HSF2BP: variants seen among roughly 807,000 people sequenced by gnomAD.
The protein encoded by HSF2BP is heat shock transcription factor 2 binding protein, also known as heat shock factor 2-binding protein.
A neutral mutation model predicts 35.0 loss-of-function variants in HSF2BP; 35 were observed. The ratio of observed to expected loss-of-function variants is 1.00; its 90% CI spans 0.76 to 1.32. HSF2BP has a LOEUF of 1.32. HSF2BP is among the 40% of genes most tolerant of loss of function. The pLI, the probability that HSF2BP is intolerant of heterozygous loss-of-function variation, is 0.00. For synonymous variants in HSF2BP, 114 were observed against 117.4 expected, an observed-to-expected ratio of 0.97 and a Z score of 0.18; for missense variants, 326 against 321.7, an observed-to-expected ratio of 1.01 and a Z score of -0.10.
chr21:43,595,923 C>G (rs190917219), intron 7 of HSF2BP, among the ~76,000 whole-genome samples: 7 of 151,570 alleles, frequency 4.6e-5, no homozygotes, highest in Non-Finnish European at 1.0e-4. Flanking sequence ...TGGGGTTTCA[C>G]CATGTTGGTT....
chr21:43,593,796 T>C (rs1244807227), intron 7 of HSF2BP, among the ~76,000 whole-genome samples: 2 of 151,636 alleles, frequency 1.3e-5, no homozygotes, highest in Admixed American at 6.6e-5. Flanking sequence ...TAAAGAAAGA[T>C]AAAAGTACAA....
chr21:43,619,601 A>G (rs943694778), intron 6 of HSF2BP, among the ~76,000 whole-genome samples: 1 of 152,258 alleles, frequency 6.6e-6, no homozygotes, highest in African/African-American at 2.4e-5. Flanking sequence ...GCCCAGCACC[A>G]AGCGTGAGGA....
At chr21:43,617,851 G>C (rs759853124) in intron 6 of HSF2BP, among the ~76,000 whole-genome samples, 3 of 152,060 alleles carry the variant, frequency 2.0e-5, no homozygotes, top group Non-Finnish European at 2.9e-5. Flanking sequence ...CTACTCAAGA[G>C]GCTGAGGCAG....
chr21:43,651,022 T>C (rs1568943661), intron 3 of HSF2BP, among the ~76,000 whole-genome samples: 1 of 152,128 alleles, frequency 6.6e-6, no homozygotes, highest in Non-Finnish European at 1.5e-5. Flanking sequence ...TTACATCTCT[T>C]GCAAACATAG....
At chr21:43,590,500 CAT>C (rs2146776526) in intron 8 of HSF2BP, among the ~76,000 whole-genome samples, 1 of 152,282 alleles carries the variant, frequency 6.6e-6, no homozygotes, top group South Asian at 2.1e-4. Context: ...CAAACAAAAG[CAT>C]ATGTCCATGC....
At position 43,658,068 on chromosome 21, in the gene HSF2BP, G is replaced by T. The variant is rs1290927792; in HGVS notation, c.29C>A (p.Ala10Asp). Residue 10 changes from alanine to aspartate, a missense_variant, in exon 2 of 9, where the codon GCC becomes GAC. By Grantham distance (126) the Ala-to-Asp change is moderately radical. Transcript: ENST00000291560. ...CAGGGCTTCCTCACTAACCCGGCAG[G>T]CCTCCTCAGCGGCGCCCGCTTCGCC... MGEAGAAEE[A>D]CRHMGTKEEF... 4 of 1,535,546 alleles carry T rather than the reference G, an allele frequency of 2.6e-6. No homozygotes were observed. Among genetic ancestry groups the T allele is most frequent in the African/African-American group, 1.4e-5 (1 of 72,962 alleles).
At chr21:43,587,301 G>T (rs2081864074) in intron 8 of HSF2BP, among the ~76,000 whole-genome samples, 1 of 152,152 alleles carries the variant, frequency 6.6e-6, no homozygotes, top group African/African-American at 2.4e-5. Flanking sequence ...AGATGACCTT[G>T]CAATGGATTT....
chr21:43,627,904 T>C (rs1398831040), intron 6 of HSF2BP, among the ~76,000 whole-genome samples: 4 of 152,246 alleles, frequency 2.6e-5, no homozygotes, highest in Admixed American at 2.6e-4. Flanking sequence ...TTCATTATTA[T>C]TACATCTGTT....
At chr21:43,657,010 G>A (rs375085751) in intron 2 of HSF2BP, among the ~76,000 whole-genome samples, 28 of 152,184 alleles carry the variant, frequency 1.8e-4, no homozygotes, top group African/African-American at 6.8e-4. Flanking sequence ...CCAGGAATTT[G>A]GGAGGCCAGG....
At chr21:43,656,504 T>C in intron 3 of HSF2BP, 83 bp downstream of exon 3, 2 of 1,323,922 alleles carry the variant, frequency 1.5e-6, no homozygotes, top group Non-Finnish European at 2.1e-6. Context: ...TACCTTAAAA[T>C]TCGTTTACAA....
intron 4 of HSF2BP, among the ~76,000 whole-genome samples, 187 bp downstream of exon 4, chr21:43,644,102 C>G (rs117999769): frequency 6.6e-6 from 1 of 152,146 alleles, no homozygotes; most frequent in Non-Finnish European, 1.5e-5. Context: ...GAATGATCTA[C>G]GTGTTAAATG....
At chr21:43,633,586 C>T (rs957957694) in intron 4 of HSF2BP, among the ~76,000 whole-genome samples, 165 bp from the exon 5 acceptor site, 2 of 152,086 alleles carry the variant, frequency 1.3e-5, no homozygotes, top group African/African-American at 2.4e-5. Flanking sequence ...TCTGTATCTA[C>T]AAAAGAAATT....
intron 7 of HSF2BP, among the ~76,000 whole-genome samples, chr21:43,596,492 G>C (rs1205511369): frequency 6.6e-6 from 1 of 151,956 alleles, no homozygotes; most frequent in Non-Finnish European, 1.5e-5. Flanking sequence ...CCACCAATAA[G>C]AATCACAAAT....
chr21:43,596,741 A>C (rs967003548), intron 7 of HSF2BP, among the ~76,000 whole-genome samples: 6 of 151,962 alleles, frequency 3.9e-5, no homozygotes, highest in African/African-American at 1.5e-4. Context: ...ACCATTAGAT[A>C]GGCATGGTGA....
chr21:43,656,780 G>C (rs770144834), intron 2 of HSF2BP, 43 bp from the exon 3 acceptor site: 1 of 1,548,470 alleles, frequency 6.5e-7, no homozygotes, highest in Non-Finnish European at 8.8e-7. Flanking sequence ...CTTCACATGA[G>C]AAAAAAAACA....
chr21:43,640,702 G>A (rs1026208355), intron 4 of HSF2BP, among the ~76,000 whole-genome samples: 3 of 151,902 alleles, frequency 2.0e-5, no homozygotes, highest in Non-Finnish European at 2.9e-5. Flanking sequence ...GAAGGGTATA[G>A]ATAACTTCCC....
chr21:43,604,377 C>CCA (rs1330940058), intron 7 of HSF2BP, among the ~76,000 whole-genome samples: 2 of 138,886 alleles, frequency 1.4e-5, no homozygotes, highest in African/African-American at 5.4e-5. Context: ...AGCACGCACA[C>CCA]CACACACACA....
chr21:43,593,496 A>C (rs777645197), intron 7 of HSF2BP, among the ~76,000 whole-genome samples: 55 of 152,314 alleles, frequency 3.6e-4, no homozygotes, highest in Non-Finnish European at 5.7e-4. Flanking sequence ...ACAAAGAACC[A>C]ATAACAGGGC....
chr21:43,636,624 G>A (rs181999894), intron 4 of HSF2BP, among the ~76,000 whole-genome samples: 11 of 152,202 alleles, frequency 7.2e-5, no homozygotes, highest in Admixed American at 5.2e-4. Context: ...AAATGTGTCC[G>A]GGCGCGATGG....
Sources: gnomAD v4.1 joint callset for allele counts (sites outside exome capture counted in the v4.1 genomes callset) on GRCh38, gnomAD v4.1.1 for gene constraint, MANE v1.5 for transcripts, NCBI Gene and HGNC (gene_info 2026-07-23, HGNC 2026-07-21) for gene names.